Variants in GRIP2 observed in about 807,000 individuals in gnomAD.
GRIP2 encodes glutamate receptor-interacting protein 2.
GRIP2 carries 58 observed loss-of-function variants against 108.3 expected under a neutral mutation model. That is an observed-to-expected ratio of 0.54 (90% CI 0.43 to 0.67). GRIP2 has a LOEUF of 0.67. GRIP2 is among the 30% of genes least tolerant of loss of function. GRIP2 has a pLI of 0.00. For missense variants in GRIP2, 1,278 were observed against 1,430.6 expected (o/e 0.89, Z 1.72); for synonymous variants, 586 against 598.2 (o/e 0.98, Z 0.30).
intron 1 of GRIP2, among the ~76,000 whole-genome samples, chr3:14,547,753 A>C (rs1695079631): frequency 6.6e-6 from 1 of 152,194 alleles, no homozygotes; most frequent in African/African-American, 2.4e-5. Flanking sequence ...TCCTAACAAA[A>C]AGCAAAACAT....
At chr3:14,556,761 T>C (rs1055522045), upstream of GRIP2, among the ~76,000 whole-genome samples, 3 of 152,236 alleles carry the variant, frequency 2.0e-5, no homozygotes, top group Non-Finnish European at 4.4e-5. Context: ...GTCGTACACA[T>C]GGCTAGCCTC....
chr3:14,601,990 G>A, the GRIP2 span: 3 of 152,238 alleles, frequency 2.0e-5, no homozygotes, highest in African/African-American at 7.2e-5. Context: ...TATCTGCAAA[G>A]CGAAAGAAAA....
chr3:14,523,019 G>C lies in GRIP2; in HGVS notation c.547C>G (p.Pro183Ala). 15 of 1,613,752 alleles carry C rather than the reference G, an allele frequency of 9.3e-6. No homozygotes were observed. Among genetic ancestry groups the C allele is most frequent in the Non-Finnish European group, 1.3e-5 (15 of 1,179,802 alleles). ...SRPLVLTYVR[P>A]GGPADREGSL... ...GCTCACCTGTCGGCAGGGCCACCGG[G>C]CCGCACGTAGGTCAGGACAAGCGGG... The change falls in exon 6 of 24, where the codon CCC becomes GCC. Residue 183 changes from proline to alanine, a missense_variant. By Grantham distance (27) the Pro-to-Ala change is conservative (BLOSUM62 -1). Transcript: ENST00000621039.
the GRIP2 span, among the ~76,000 whole-genome samples, chr3:14,566,118 A>C: frequency 6.6e-6 from 1 of 152,216 alleles, no homozygotes. Context: ...ATCTTTCTCC[A>C]GGTCAGCAGG....
chr3:14,570,307 G>C, the GRIP2 span, among the ~76,000 whole-genome samples: 3 of 152,330 alleles, frequency 2.0e-5, no homozygotes, highest in Non-Finnish European at 2.9e-5. Flanking sequence ...CTTGCCGATA[G>C]AGACAGCCCA....
Position 14,507,424 on chromosome 3 carries a change from T to C in GRIP2, c.2218+137A>G. The C allele has an allele frequency of 9.4e-7, 1 of 1,066,380 alleles. No individual in the cohort carries two copies. The highest frequency in any genetic ancestry group is 2.5e-5 in the East Asian group (1 of 39,854). 66.1% of individuals were successfully genotyped at this position (1,066,380 alleles called of 1,614,324 possible). ...TCATCACTTCCCTCTCTGAGTCTTA[T>C]CTTCTTTGCCATCGCAGGCCCGCCT... On this transcript the variant is annotated intron_variant, in intron 18 of 23. Transcript: ENST00000621039. The surrounding 1 kb of genome is among the most constrained non-coding windows in gnomAD (Gnocchi z 4.6).
At chr3:14,553,265 G>C (rs1278448463) in intron 1 of GRIP2, among the ~76,000 whole-genome samples, 1 of 151,962 alleles carries the variant, frequency 6.6e-6, no homozygotes, top group African/African-American at 2.4e-5. Flanking sequence ...GTGCTACCAC[G>C]TTCAGCTAAT....
At chr3:14,516,103 T>TCTCC (rs1559340270) in intron 11 of GRIP2, among the ~76,000 whole-genome samples, 1 of 152,084 alleles carries the variant, frequency 6.6e-6, no homozygotes, top group Admixed American at 6.6e-5. Flanking sequence ...GAGCCTCCAG[T>TCTCC]CTCCACATCC....
rs913052764 is a variant in GRIP2 at position 14,522,693 on chromosome 3, G to A, written c.566+307C>T. ...CAAATCTCTCATAGCAACTCTTAGG[G>A]ACCATTCCACAGACGGGAAAACCAA... On this transcript the variant is annotated intron_variant, in intron 6 of 23. Coordinates refer to ENST00000621039, the MANE Select transcript of GRIP2 (RefSeq NM_001080423.4). The surrounding 1 kb of genome is among the most constrained non-coding windows in gnomAD (Gnocchi z 4.3). 2.7e-6 allele frequency: 1 copy of A among 369,586 alleles called. No individual in the cohort carries two copies. Among genetic ancestry groups the A allele is most frequent in the Non-Finnish European group, 5.0e-6 (1 of 199,246 alleles). 22.9% of individuals were successfully genotyped at this position (369,586 alleles called of 1,614,324 possible).
chr3:14,503,861 G>C (rs193063428), intron 20 of GRIP2, 190 bp from the exon 21 acceptor site: 3 of 593,856 alleles, frequency 5.1e-6, no homozygotes, highest in Non-Finnish European at 9.0e-6. Flanking sequence ...ACACGGAATA[G>C]GGGAAAGACG....
intron 11 of GRIP2, among the ~76,000 whole-genome samples, chr3:14,516,019 T>A (rs1694238162): frequency 6.6e-6 from 1 of 152,146 alleles, no homozygotes; most frequent in African/African-American, 2.4e-5. Context: ...ATTAATAAAT[T>A]ACTATCAACA....
chr3:14,575,621 G>T, the GRIP2 span, among the ~76,000 whole-genome samples: 1 of 152,260 alleles, frequency 6.6e-6, no homozygotes, highest in Admixed American at 6.5e-5. Flanking sequence ...TGGACAGGAG[G>T]GTGGGAGCTC....
chr3:14,561,824 G>A, the GRIP2 span, among the ~76,000 whole-genome samples: 149 of 152,366 alleles, frequency 9.8e-4, no homozygotes, highest in African/African-American at 3.3e-3. Context: ...GGGTGGAAGA[G>A]AGGAGGCTGG....
intron 9 of GRIP2, 92 bp from the exon 10 acceptor site, chr3:14,517,989 G>A (rs899049489): frequency 6.4e-6 from 9 of 1,398,404 alleles, no homozygotes; most frequent in African/African-American, 4.4e-5. Flanking sequence ...GAAGATCCTC[G>A]TGCTTCCCCT....
At chr3:14,550,523 C>T (rs1228430547) in intron 1 of GRIP2, among the ~76,000 whole-genome samples, 17 of 152,256 alleles carry the variant, frequency 1.1e-4, no homozygotes, top group Admixed American at 1.1e-3. Context: ...AGCGGCACCG[C>T]TGGTGCCTCA....
the GRIP2 span, among the ~76,000 whole-genome samples, chr3:14,596,029 C>A: frequency 1.3e-5 from 2 of 152,360 alleles, no homozygotes; most frequent in Non-Finnish European, 2.9e-5. Flanking sequence ...TGCCTTTGTT[C>A]CTACAAAGTG....
At chr3:14,555,942 A>G in exon 1 of GRIP2, 1 of 399,806 alleles carries the variant, frequency 2.5e-6, no homozygotes, top group Non-Finnish European at 4.4e-6. Flanking sequence ...CACTTGAGTG[A>G]CACCGCCAGC....
At chr3:14,597,421 T>A in the GRIP2 span, among the ~76,000 whole-genome samples, 18 of 152,134 alleles carry the variant, frequency 1.2e-4, no homozygotes, top group Non-Finnish European at 1.8e-4. Context: ...AAGCCAAGAA[T>A]GCGAGGGGGA....
At chr3:14,560,032 C>T (rs1406079597), upstream of GRIP2, among the ~76,000 whole-genome samples, 1 of 152,108 alleles carries the variant, frequency 6.6e-6, no homozygotes, top group East Asian at 1.9e-4. Flanking sequence ...GTGGGACAAT[C>T]ACTTCAGGCC....
Sources: allele counts gnomAD v4.1 joint callset (sites outside exome capture counted in the v4.1 genomes callset), GRCh38; gene constraint gnomAD v4.1.1; non-coding constraint Gnocchi (gnomAD v3.1); transcripts MANE v1.5; gene names NCBI Gene and HGNC (gene_info 2026-07-23, HGNC 2026-07-21).